The following GNG7 variants were observed in gnomAD, a reference collection of about 807,000 sequenced individuals.
GNG7 encodes the protein G protein subunit gamma 7, also known as guanine nucleotide-binding protein G(I)/G(S)/G(O) subunit gamma-7.
Under a neutral mutation model 4.0 loss-of-function variants are expected in GNG7, and 1 was observed. That is an observed-to-expected ratio of 0.25 (90% CI 0.09 to 1.18). The LOEUF (loss-of-function observed/expected upper bound fraction) is 1.18. Among genes scored for constraint, GNG7 ranks in the 50% most tolerant of loss-of-function variants. The pLI is 0.50. For missense variants in GNG7, 86 were observed against 91.9 expected (o/e 0.94, Z 0.26); for synonymous variants, 34 against 36.9 (o/e 0.92, Z 0.29).
rs149491218 is a variant in GNG7, at chr19:2,608,374, G to C, written c.-78+37850C>G. Among the ~76,000 whole-genome samples, 1,091 of 152,026 alleles carry C rather than the reference G, an allele frequency of 7.2e-3. 12 individuals carry two copies. The highest frequency in any genetic ancestry group is 0.025 in the African/African-American group (1,034 of 41,480). Reference sequence around the variant, plus strand: ...GGCAAGGCCTGCGGGCTGGAGGGACGGGCTCTTCACACACACGGGAGGACA... The same window carrying C: ...GGCAAGGCCTGCGGGCTGGAGGGACCGGCTCTTCACACACACGGGAGGACA... On this transcript the variant is annotated intron_variant, in intron 2 of 4. Coordinates refer to ENST00000382159, the MANE Select transcript of GNG7 (RefSeq NM_052847.3).
intron 2 of GNG7, among the ~76,000 whole-genome samples, chr19:2,625,022 G>T (rs1415265593): frequency 2.6e-5 from 4 of 152,200 alleles, no homozygotes; most frequent in Admixed American, 6.5e-5. Flanking sequence ...CTCCCTGGGG[G>T]CTCGGGCCCT....
At chr19:2,690,501 G>A (rs1468509538) in intron 1 of GNG7, among the ~76,000 whole-genome samples, 1 of 152,204 alleles carries the variant, frequency 6.6e-6, no homozygotes, top group Admixed American at 6.6e-5. Flanking sequence ...TCCTGGACTG[G>A]ACGTGCTCCA....
intron 1 of GNG7, among the ~76,000 whole-genome samples, chr19:2,694,950 T>C (rs529362890): frequency 4.6e-5 from 7 of 151,788 alleles, no homozygotes; most frequent in African/African-American, 1.5e-4. Flanking sequence ...CAGGGTAGGG[T>C]TGAACTCGAG....
chr19:2,634,541 CTG>C lies in GNG7; in HGVS notation c.-78+11681_-78+11682del, dbSNP rs1159674210. Among the ~76,000 whole-genome samples, 1 of 152,158 alleles carries C rather than the reference CTG, an allele frequency of 6.6e-6. No homozygotes were observed. Among genetic ancestry groups the C allele is most frequent in the Non-Finnish European group, 1.5e-5 (1 of 68,038 alleles). On this transcript the variant is annotated intron_variant, in intron 2 of 4. Transcript: ENST00000382159. The surrounding 1 kb of genome is among the most constrained non-coding windows in gnomAD (Gnocchi z 5.3). ...GGGAGAGGTTTCTGAGTCCTGGAGA[CTG>C]TGGCAGAGCCCCTGATTTCGGCACA...
chr19:2,539,201 G>C (rs1403536357), intron 3 of GNG7, among the ~76,000 whole-genome samples: 1 of 152,046 alleles, frequency 6.6e-6, no homozygotes, highest in African/African-American at 2.4e-5. Flanking sequence ...TTGCAAAGCA[G>C]ATTATCTTCT....
chr19:2,513,644 G>T lies in GNG7; in HGVS notation c.*1378C>A. 2 of 883,172 alleles carry T rather than the reference G, an allele frequency of 2.3e-6. No individual in the cohort carries two copies. Among genetic ancestry groups the T allele is most frequent in the Non-Finnish European group, 2.7e-6 (2 of 736,564 alleles). The allele number at this position is 883,172 out of a possible 1,614,324, so 54.7% of individuals were successfully genotyped here. On this transcript the variant is annotated 3_prime_UTR_variant, in exon 5 of 5. Coordinates refer to ENST00000382159, the MANE Select transcript of GNG7 (RefSeq NM_052847.3). ...ACGGGGGTGGAAAAGCAAAAAGATC[G>T]GGTTCGAGCGACAGGGTAACGTTTT...
chr19:2,574,575 G>A (rs1259489206), intron 2 of GNG7, among the ~76,000 whole-genome samples: 13 of 152,174 alleles, frequency 8.5e-5, no homozygotes, highest in Admixed American at 8.5e-4. Flanking sequence ...TCCTTTTCAT[G>A]GCTGCGTAAT....
At chr19:2,660,487 G>A (rs1039300747) in intron 1 of GNG7, among the ~76,000 whole-genome samples, 6 of 152,168 alleles carry the variant, frequency 3.9e-5, no homozygotes, top group Non-Finnish European at 7.3e-5. Flanking sequence ...GAAAGTAGAC[G>A]AGGCTGGGTG....
chr19:2,615,690 C>G (rs1423774151), intron 2 of GNG7, among the ~76,000 whole-genome samples: 5 of 151,624 alleles, frequency 3.3e-5, no homozygotes, highest in African/African-American at 4.8e-5. Context: ...GTCTCGATGT[C>G]CTGACCTCAT....
intron 2 of GNG7, among the ~76,000 whole-genome samples, chr19:2,598,385 T>C (rs138906552): frequency 1.8e-4 from 27 of 151,702 alleles, no homozygotes; most frequent in East Asian, 9.7e-4. Context: ...TGGCCGGGCG[T>C]GGTGGCTCAC....
intron 2 of GNG7, among the ~76,000 whole-genome samples, chr19:2,646,006 C>G (rs116662655): frequency 6.6e-6 from 1 of 152,160 alleles, no homozygotes; most frequent in African/African-American, 2.4e-5. Flanking sequence ...CAGTGAGTGC[C>G]ACGTTCCCTG....
chr19:2,657,337 TAAAAAAAAAAA>T lies in GNG7; in HGVS notation c.-134-11068_-134-11058del, dbSNP rs372388972. On this transcript the variant is annotated intron_variant, in intron 1 of 4. Transcript: ENST00000382159. ...TGACAAAGCAAGACCCCGTCTCAAT[TAAAAAAAAAAA>T]AAAAAAAAAAAAAATATATATATAT... 2.8e-3 allele frequency among the ~76,000 whole-genome samples: 39 copies of T among 13,934 alleles called. 1 individual carries two copies. The highest frequency in any genetic ancestry group is 0.022 in the East Asian group (7 of 322). The allele number at this position is 13,934 out of a possible 152,430, so 9.1% of individuals were successfully genotyped here. A position where few individuals can be genotyped will look rare whatever the true frequency, so the allele number is the denominator to read the frequency against.
chr19:2,528,876 T>C (rs1369295181), intron 3 of GNG7, among the ~76,000 whole-genome samples: 1 of 152,190 alleles, frequency 6.6e-6, no homozygotes, highest in East Asian at 1.9e-4. Flanking sequence ...AAGAGGACCC[T>C]CTTCCAGGGA....
intron 1 of GNG7, among the ~76,000 whole-genome samples, chr19:2,696,347 AAAAG>A (rs1555705089): frequency 1.7e-5 from 2 of 119,222 alleles, no homozygotes; most frequent in East Asian, 4.7e-4. Flanking sequence ...AGAAAGAAAG[AAAAG>A]AAAGAAAAGA....
intron 1 of GNG7, among the ~76,000 whole-genome samples, chr19:2,692,684 A>G (rs1043880248): frequency 6.0e-5 from 9 of 150,810 alleles, no homozygotes; most frequent in Admixed American, 5.9e-4. Context: ...GCTTGTCAAC[A>G]AAGGTCAAAT....
At chr19:2,574,654 G>C (rs1366323625) in intron 2 of GNG7, among the ~76,000 whole-genome samples, 1 of 152,160 alleles carries the variant, frequency 6.6e-6, no homozygotes, top group Non-Finnish European at 1.5e-5. Flanking sequence ...TTCCACCCTG[G>C]GGCTGTTGGG....
Position 2,557,024 on chromosome 19 carries a change from C to T in GNG7, c.-77-1836G>A, listed in dbSNP as rs1979567357. 9.9e-6 allele frequency among the ~76,000 whole-genome samples: 1 copy of T among 101,136 alleles called. No individual in the cohort carries two copies. Among genetic ancestry groups the T allele is most frequent in the Admixed American group, 1.2e-4 (1 of 8,194 alleles). 66.3% of individuals were successfully genotyped at this position (101,136 alleles called of 152,430 possible). A position where few individuals can be genotyped will look rare whatever the true frequency, so the allele number is the denominator to read the frequency against. Reference sequence around the variant, plus strand: ...CCCCTCCCACCTCTACACACACACACGCACACACAGACACACGCACACTCA... The same window carrying T: ...CCCCTCCCACCTCTACACACACACATGCACACACAGACACACGCACACTCA... On this transcript the variant is annotated intron_variant, in intron 2 of 4. Coordinates refer to ENST00000382159, the MANE Select transcript of GNG7 (RefSeq NM_052847.3). The surrounding 1 kb of genome is among the most constrained non-coding windows in gnomAD (Gnocchi z 5.1).
chr19:2,631,171 G>A (rs1053934387), intron 2 of GNG7, among the ~76,000 whole-genome samples: 1 of 152,202 alleles, frequency 6.6e-6, no homozygotes, highest in African/African-American at 2.4e-5. Context: ...TGAGAGGCAG[G>A]CACTGCCTAT....
intron 2 of GNG7, among the ~76,000 whole-genome samples, chr19:2,635,192 T>A (rs886536538): frequency 1.3e-5 from 2 of 151,870 alleles, no homozygotes; most frequent in African/African-American, 4.8e-5. Context: ...CCCAGATGAG[T>A]GAGGACAGAG....
Sources: allele counts gnomAD v4.1 joint callset (sites outside exome capture counted in the v4.1 genomes callset), GRCh38; gene constraint gnomAD v4.1.1; non-coding constraint Gnocchi (gnomAD v3.1); transcripts MANE v1.5; gene names NCBI Gene and HGNC (gene_info 2026-07-23, HGNC 2026-07-21).